FGF18: variants seen among roughly 807,000 people sequenced by gnomAD.
FGF18 encodes fibroblast growth factor 18.
FGF18 carries 5 observed loss-of-function variants against 23.0 expected under a neutral mutation model. That is an observed-to-expected ratio of 0.22 (90% CI 0.11 to 0.46). The LOEUF (loss-of-function observed/expected upper bound fraction) is 0.46. FGF18 is among the 20% of genes least tolerant of loss of function. The probability of loss-of-function intolerance (pLI) is 0.99; values close to 1 mark genes in which losing one functional copy is unlikely to be tolerated. For missense variants in FGF18, 180 were observed against 291.6 expected, an observed-to-expected ratio of 0.62 and a Z score of 2.79; for synonymous variants, 117 against 118.9, an observed-to-expected ratio of 0.98 and a Z score of 0.10.
intron 3 of FGF18, among the ~76,000 whole-genome samples, chr5:171,445,274 A>G (rs551229326): frequency 6.6e-6 from 1 of 152,268 alleles, no homozygotes; most frequent in East Asian, 1.9e-4. Context: ...TGCGGGTCCC[A>G]TTGAAGAGTT....
Position 171,434,119 on chromosome 5 carries a change from C to T in FGF18, c.70-1974C>T, listed in dbSNP as rs929141070. On this transcript the variant is annotated intron_variant, in intron 2 of 4. Coordinates refer to ENST00000274625, the MANE Select transcript of FGF18 (RefSeq NM_003862.3). The surrounding 1 kb of genome is among the most constrained non-coding windows in gnomAD (Gnocchi z 4.6). ...CTCCTGACAGCACTGGTGGGGCAGG[C>T]AGGGCCCCGCAAGGCAGTGGCCTGG... 9.8e-5 allele frequency among the ~76,000 whole-genome samples: 15 copies of T among 152,314 alleles called. No individual in the cohort carries two copies. Among genetic ancestry groups the T allele is most frequent in the African/African-American group, 3.4e-4 (14 of 41,582 alleles).
At chr5:171,433,143 C>G (rs1259926667) in intron 2 of FGF18, among the ~76,000 whole-genome samples, 3 of 152,210 alleles carry the variant, frequency 2.0e-5, no homozygotes, top group African/African-American at 2.4e-5. Flanking sequence ...GGGGGCTGAT[C>G]TGGCCACAGA....
intron 2 of FGF18, among the ~76,000 whole-genome samples, chr5:171,431,012 T>C (rs1393880608): frequency 2.6e-5 from 4 of 151,962 alleles, no homozygotes; most frequent in Non-Finnish European, 4.4e-5. Context: ...TGTGTGTACA[T>C]AGGTGATGTG....
intron 2 of FGF18, among the ~76,000 whole-genome samples, chr5:171,430,601 A>G (rs1772166502): frequency 6.9e-6 from 1 of 143,944 alleles, no homozygotes; most frequent in African/African-American, 2.9e-5. Context: ...ATCCTGGCTA[A>G]CAAGGTGAAA....
intron 3 of FGF18, among the ~76,000 whole-genome samples, chr5:171,444,787 G>T (rs751928725): frequency 6.6e-6 from 1 of 152,212 alleles, no homozygotes; most frequent in Non-Finnish European, 1.5e-5. Context: ...ATTAGCCAGT[G>T]AATGGTGTTA....
At chr5:171,433,006 C>CAGGAAA (rs2113340742) in intron 2 of FGF18, among the ~76,000 whole-genome samples, 1 of 152,278 alleles carries the variant, frequency 6.6e-6, no homozygotes, top group African/African-American at 2.4e-5. Flanking sequence ...GGAAAGGCTT[C>CAGGAAA]GGGGTAGGAC....
In FGF18 at chr5:171,434,642, A is replaced by T. The variant is rs1366127203; in HGVS notation, c.70-1451A>T. Among the ~76,000 whole-genome samples the T allele has an allele frequency of 6.6e-6, 1 of 152,176 alleles. No individual in the cohort carries two copies. The highest frequency in any genetic ancestry group is 1.9e-4 in the East Asian group (1 of 5,184). The stretch of plus-strand genomic sequence containing the variant: ...TTGACATGGGATAGGACATGCATAC[A>T]ACCAGCAGGGTGTAGGGGACCCTGC... On this transcript the variant is annotated intron_variant, in intron 2 of 4. Coordinates refer to ENST00000274625, the MANE Select transcript of FGF18 (RefSeq NM_003862.3). This position sits in a 1 kb window ranked among gnomAD's most constrained non-coding sequence, Gnocchi z 4.6.
At chr5:171,433,053 G>A (rs568532953) in intron 2 of FGF18, among the ~76,000 whole-genome samples, 47 of 152,028 alleles carry the variant, frequency 3.1e-4, no homozygotes, top group African/African-American at 1.0e-3. Context: ...TGGGAAGCCC[G>A]GGGTGCTTCC....
At position 171,431,658 on chromosome 5, in the gene FGF18, C is replaced by T. The variant is rs1161204691; in HGVS notation, c.70-4435C>T. Among the ~76,000 whole-genome samples the T allele has an allele frequency of 2.0e-5, 3 of 152,172 alleles. 1 individual carries two copies. In the East Asian group the frequency reaches 5.8e-4, roughly 29 times the overall value. On this transcript the variant is annotated intron_variant, in intron 2 of 4. Coordinates refer to ENST00000274625, the MANE Select transcript of FGF18 (RefSeq NM_003862.3). The stretch of plus-strand genomic sequence containing the variant: ...CATGCTGTGAGAAAAGCTGCTTCCA[C>T]CCAAAAGATAATCCATGTGCATGGC...
In FGF18 at chr5:171,456,779, C is replaced by G. The variant is rs774871591; in HGVS notation, c.598C>G (p.Arg200Gly). The change falls in exon 5 of 5, where the codon CGG (arginine) becomes GGG (glycine). Residue 200 changes from arginine (R) to glycine (G), a missense_variant. Coordinates refer to ENST00000274625, the MANE Select transcript of FGF18 (RefSeq NM_003862.3). This position sits in a 1 kb window ranked among gnomAD's most constrained non-coding sequence, Gnocchi z 6.1. The stretch of plus-strand genomic sequence containing the variant: ...CACGACGGTGACCAAGAGGTCCCGT[C>G]GGATCCGGCCCACACACCCTGCCTA... Reference protein sequence around the residue: ...KYTTVTKRSRRIRPTHPA With the variant: ...KYTTVTKRSRGIRPTHPA 6.2e-7 allele frequency: 1 copy of G among 1,613,816 alleles called. No individual in the cohort carries two copies. Among genetic ancestry groups the G allele is most frequent in the Non-Finnish European group, 8.5e-7 (1 of 1,179,926 alleles).
chr5:171,427,840 C>G (rs1427587710), intron 2 of FGF18, among the ~76,000 whole-genome samples: 1 of 152,182 alleles, frequency 6.6e-6, no homozygotes, highest in Non-Finnish European at 1.5e-5. Flanking sequence ...AATCGCATAG[C>G]GCTTGGCCAC....
At chr5:171,429,242 T>A (rs1351199778) in intron 2 of FGF18, among the ~76,000 whole-genome samples, 1 of 152,234 alleles carries the variant, frequency 6.6e-6, no homozygotes, top group African/African-American at 2.4e-5. Context: ...GTTCAGATCG[T>A]GGCTCTTTCA....
At chr5:171,427,784 C>T (rs771369242) in intron 2 of FGF18, among the ~76,000 whole-genome samples, 39 of 152,318 alleles carry the variant, frequency 2.6e-4, no homozygotes, top group Non-Finnish European at 4.4e-4. Context: ...GCACGTACTT[C>T]GAGAAGCTCT....
rs1311743427 is a variant in FGF18 at position 171,451,226 on chromosome 5, C to A, written c.357+1973C>A. On this transcript the variant is annotated intron_variant, in intron 4 of 4. Transcript: ENST00000274625. This position sits in a 1 kb window ranked among gnomAD's most constrained non-coding sequence, Gnocchi z 4.5. ...GCAGCGGAGGGAGGCCCGGCCCCGG[C>A]CCCCGGCGCCTCCCCCGCTCCCGCC... 1.3e-5 allele frequency among the ~76,000 whole-genome samples: 2 copies of A among 152,088 alleles called. No individual in the cohort carries two copies. The highest frequency in any genetic ancestry group is 1.3e-4 in the Admixed American group (2 of 15,276).
rs761932647 is a variant in FGF18, at chr5:171,429,402, C to G, written c.70-6691C>G. Among the ~76,000 whole-genome samples the G allele has an allele frequency of 2.0e-5, 3 of 152,244 alleles. No homozygotes were observed. The East Asian group carries it at 5.8e-4, about 29-fold the overall frequency. On this transcript the variant is annotated intron_variant, in intron 2 of 4. Transcript: ENST00000274625. Reference sequence around the variant, plus strand: ...GGGGCAAGTGCCCAGCCAGTGGGAGCCAACGTGAGCTTCACTCTCAATGAC... The same window carrying G: ...GGGGCAAGTGCCCAGCCAGTGGGAGGCAACGTGAGCTTCACTCTCAATGAC...
At position 171,456,798 on chromosome 5, in the gene FGF18, C is replaced by T. The variant is rs1021408845; in HGVS notation, c.617C>T (p.Pro206Leu). 6.2e-7 allele frequency: 1 copy of T among 1,607,272 alleles called. No homozygotes were observed. Among genetic ancestry groups the T allele is most frequent in the Non-Finnish European group, 8.5e-7 (1 of 1,175,650 alleles). Residue 206 changes from proline to leucine, a missense_variant, in exon 5 of 5, where the codon CCT becomes CTT. Physicochemically the swap from Pro to Leu is moderately conservative, Grantham distance 98. Coordinates refer to ENST00000274625, the MANE Select transcript of FGF18 (RefSeq NM_003862.3). The surrounding 1 kb of genome is among the most constrained non-coding windows in gnomAD (Gnocchi z 6.1). ...TCCCGTCGGATCCGGCCCACACACC[C>T]TGCCTAGGCCACCCCGCCGCGGCCC... ...KRSRRIRPTHPA is the reference protein window; with the variant it reads ...KRSRRIRPTHLA
intron 2 of FGF18, among the ~76,000 whole-genome samples, chr5:171,435,686 C>T (rs967237608): frequency 6.6e-5 from 10 of 152,132 alleles, no homozygotes; most frequent in African/African-American, 1.9e-4. Flanking sequence ...CCCATCTCCA[C>T]GTGGATTGGA....
chr5:171,428,689 G>A (rs1213232843), intron 2 of FGF18, among the ~76,000 whole-genome samples: 3 of 152,198 alleles, frequency 2.0e-5, no homozygotes, highest in East Asian at 3.9e-4. Flanking sequence ...GGAAAAGACC[G>A]TGGTGGGCTT....
intron 2 of FGF18, among the ~76,000 whole-genome samples, chr5:171,420,746 T>C (rs1007134575): frequency 6.6e-6 from 1 of 152,220 alleles, no homozygotes; most frequent in Non-Finnish European, 1.5e-5. Context: ...TACCCAGCTC[T>C]AAGACCCCTG....
Sources: allele counts gnomAD v4.1 joint callset (sites outside exome capture counted in the v4.1 genomes callset), GRCh38; gene constraint gnomAD v4.1.1; non-coding constraint Gnocchi (gnomAD v3.1); transcripts MANE v1.5; gene names NCBI Gene and HGNC (gene_info 2026-07-23, HGNC 2026-07-21).